MDGA1: variants seen among roughly 807,000 people sequenced by gnomAD.
The protein encoded by MDGA1 is MAM domain containing glycosylphosphatidylinositol anchor 1, also known as MAM domain-containing glycosylphosphatidylinositol anchor protein 1.
MDGA1 carries 54 observed loss-of-function variants against 101.5 expected under a neutral mutation model. That is an observed-to-expected ratio of 0.53 (90% CI 0.43 to 0.67). The LOEUF (loss-of-function observed/expected upper bound fraction) is 0.67, where lower values mean the gene tolerates loss of function less well. Among genes scored for constraint, MDGA1 ranks in the 30% least tolerant of loss-of-function variants. The pLI, the probability that MDGA1 is intolerant of heterozygous loss-of-function variation, is 0.00. For missense variants in MDGA1, 1,083 were observed against 1,323.8 expected (o/e 0.82, Z 2.82); for synonymous variants, 533 against 558.3 (o/e 0.95, Z 0.64).
chr6:37,638,951 C>T lies in MDGA1; in HGVS notation c.2537-284G>A. On this transcript the variant is annotated intron_variant, in intron 14 of 16. Transcript: ENST00000434837. This position sits in a 1 kb window ranked among gnomAD's most constrained non-coding sequence, Gnocchi z 4.8. ...CAGCTAATCTCCCCAACCCCAAACA[C>T]ACACATGCACACACACCCTACCCTT... The T allele has an allele frequency of 2.7e-6, 1 of 365,522 alleles. No homozygotes were observed. Among genetic ancestry groups the T allele is most frequent in the Non-Finnish European group, 5.3e-6 (1 of 190,250 alleles). 22.6% of individuals were successfully genotyped at this position (365,522 alleles called of 1,614,324 possible). A position where few individuals can be genotyped will look rare whatever the true frequency, so the allele number is the denominator to read the frequency against.
At chr6:37,671,537 G>C (rs921308902) in intron 1 of MDGA1, among the ~76,000 whole-genome samples, 1 of 152,180 alleles carries the variant, frequency 6.6e-6, no homozygotes, top group African/African-American at 2.4e-5. Context: ...AATGCTGCTG[G>C]CCTATCAGCT....
chr6:37,690,743 C>T (rs1173355964), intron 1 of MDGA1, among the ~76,000 whole-genome samples: 2 of 150,012 alleles, frequency 1.3e-5, no homozygotes, highest in Non-Finnish European at 3.0e-5. Context: ...TGCCACTGCA[C>T]TCCAGCCTGG....
chr6:37,657,300 C>A (rs1761512799), intron 3 of MDGA1, among the ~76,000 whole-genome samples: 1 of 152,192 alleles, frequency 6.6e-6, no homozygotes, highest in Non-Finnish European at 1.5e-5. Flanking sequence ...GGCTGTGAGT[C>A]ACAGGCATTG....
At chr6:37,639,624 G>A (rs550665702) in intron 14 of MDGA1, 2 of 152,176 alleles carry the variant, frequency 1.3e-5, no homozygotes, top group Non-Finnish European at 2.9e-5. Context: ...CTTTGCTTGT[G>A]ATGTTGCCCC....
At position 37,631,774 on chromosome 6, in the gene MDGA1, G is replaced by A. The variant is rs1763827543; in HGVS notation, c.*5594C>T. The A allele has an allele frequency of 6.6e-6, 1 of 152,130 alleles. No homozygotes were observed. The highest frequency in any genetic ancestry group is 6.5e-5 in the Admixed American group (1 of 15,270). The allele number at this position is 152,130 out of a possible 1,614,324, so 9.4% of individuals were successfully genotyped here. A position where few individuals can be genotyped will look rare whatever the true frequency, so the allele number is the denominator to read the frequency against. Reference sequence around the variant, plus strand: ...GAATTCTGAGAGGTCTGGGGTAAAGGGAAAGGTTGGCATAACTTGATCTTA... The same window carrying A: ...GAATTCTGAGAGGTCTGGGGTAAAGAGAAAGGTTGGCATAACTTGATCTTA... On this transcript the variant is annotated 3_prime_UTR_variant, in exon 17 of 17. Coordinates refer to ENST00000434837, the MANE Select transcript of MDGA1 (RefSeq NM_153487.4).
At chr6:37,649,410 A>G (rs1004692475) in intron 8 of MDGA1, 144 bp from the exon 9 acceptor site, 18 of 1,346,670 alleles carry the variant, frequency 1.3e-5, no homozygotes, top group African/African-American at 1.1e-4. Context: ...CTCGCAACAC[A>G]TCCCTCCAAT....
chr6:37,641,884 G>A (rs1232694497), intron 14 of MDGA1: 1 of 152,122 alleles, frequency 6.6e-6, no homozygotes, highest in East Asian at 1.9e-4. Context: ...GAGCCCCAGT[G>A]GATGCAGAAT....
chr6:37,660,005 A>T (rs560251726), intron 2 of MDGA1, among the ~76,000 whole-genome samples: 2 of 149,334 alleles, frequency 1.3e-5, no homozygotes, highest in Non-Finnish European at 3.0e-5. Context: ...CCTTTTTTCA[A>T]TTCTACAAAA....
In MDGA1 at chr6:37,644,666, G is replaced by C. The variant is rs371209948; in HGVS notation, c.2249-17C>G. The C allele has an allele frequency of 1.3e-6, 2 of 1,547,704 alleles. No individual in the cohort carries two copies. Among genetic ancestry groups the C allele is most frequent in the Admixed American group, 1.9e-5 (1 of 53,216 alleles). On this transcript the variant is annotated splice_polypyrimidine_tract_variant and intron_variant, in intron 12 of 16. Coordinates refer to ENST00000434837, the MANE Select transcript of MDGA1 (RefSeq NM_153487.4). ...AGGTGTTGTCTGCATTTTATGGGGC[G>C]AATGAGACAAAGAGTCAGCCTCTTC...
chr6:37,672,988 C>A (rs1761902617), intron 1 of MDGA1, among the ~76,000 whole-genome samples: 1 of 150,958 alleles, frequency 6.6e-6, no homozygotes, highest in Non-Finnish European at 1.5e-5. Context: ...AATAGCTACC[C>A]TTTATTGACA....
At chr6:37,688,850 G>A (rs946572447) in intron 1 of MDGA1, among the ~76,000 whole-genome samples, 3 of 152,328 alleles carry the variant, frequency 2.0e-5, no homozygotes, top group Middle Eastern at 3.4e-3. Flanking sequence ...GACCCTCAGA[G>A]GCAACAGGCT....
rs763798669 is a variant in MDGA1, at chr6:37,643,905, G to T, written c.2440C>A (p.Leu814Met). Residue 814 changes from leucine (L) to methionine (M), a missense_variant, in exon 14 of 17, where the codon CTG (leucine) becomes ATG (methionine). By Grantham distance (15) the Leu-to-Met change is conservative. Transcript: ENST00000434837. ...CTCACTAACCTTGCACGGTCCCCCA[G>T]CTCCCGAGGCCTCGATGTCTCGATG... ...MFIETSRPRE[L>M]GDRARLVSPL... 31 of 1,613,814 alleles carry T rather than the reference G, an allele frequency of 1.9e-5. No homozygotes were observed. The Admixed American group carries it at 5.2e-4, about 27-fold the overall frequency.
At chr6:37,692,887 C>T (rs538300649) in intron 1 of MDGA1, among the ~76,000 whole-genome samples, 2 of 152,264 alleles carry the variant, frequency 1.3e-5, no homozygotes, top group African/African-American at 2.4e-5. Flanking sequence ...CTAGAGCCCC[C>T]GCCCACCCAT....
rs539729413 is a variant in MDGA1 at position 37,650,341 on chromosome 6, G to A, written c.1377C>T (p.Ala459=). ...TGCCCCGCACCTCGCATTGCAGCTCGGCAGGCGATCCCTCGCGCACGGTCA... is the reference window on the plus strand; with the variant it reads ...TGCCCCGCACCTCGCATTGCAGCTCAGCAGGCGATCCCTCGCGCACGGTCA... ...AVVTVREGSP[A]ELQCEVRGKP... Residue 459 remains alanine, a synonymous_variant, in exon 8 of 17, where the codon GCC becomes GCT. Transcript: ENST00000434837. The A allele has an allele frequency of 3.8e-6, 6 of 1,581,564 alleles. No homozygotes were observed. The African/African-American group carries it at 5.4e-5, about 14-fold the overall frequency.
At chr6:37,642,410 GT>G (rs1252832213) in intron 14 of MDGA1, among the ~76,000 whole-genome samples, 5 of 151,934 alleles carry the variant, frequency 3.3e-5, no homozygotes, top group Admixed American at 6.6e-5. Context: ...GATCTCAGGT[GT>G]CCCGCCCGCC....
chr6:37,637,610 C>T lies in MDGA1; in HGVS notation c.2777-151G>A, dbSNP rs62398388. ...GCCTCAGTGCACACAGACAAACTCA[C>T]CGCACAGACATGAGGTGGCGTGGGG... is the stretch of plus-strand genomic sequence containing the variant. On this transcript the variant is annotated intron_variant, in intron 16 of 16. Transcript: ENST00000434837. 5.1e-3 allele frequency among the ~76,000 whole-genome samples: 776 copies of T among 152,296 alleles called. 7 individuals are homozygous for T. The highest frequency in any genetic ancestry group is 0.015 in the South Asian group (72 of 4,826).
Position 37,638,693 on chromosome 6 carries a change from C to A in MDGA1, c.2537-26G>T, listed in dbSNP as rs116215578. On this transcript the variant is annotated intron_variant, in intron 14 of 16. Transcript: ENST00000434837. This position sits in a 1 kb window ranked among gnomAD's most constrained non-coding sequence, Gnocchi z 4.8. ...CTGCGGTGGGTGTGAAGACAGTGGGCAGTGAGATCTGGCCAGGGCACCCTC... is the reference window on the plus strand; with the variant it reads ...CTGCGGTGGGTGTGAAGACAGTGGGAAGTGAGATCTGGCCAGGGCACCCTC... 98 of 1,601,922 alleles carry A rather than the reference C, an allele frequency of 6.1e-5. No individual in the cohort carries two copies. The African/African-American group carries it at 1.2e-3, about 19-fold the overall frequency.
rs781219571 is a variant in MDGA1, at chr6:37,696,153, G to A, written c.67+592C>T. Among the ~76,000 whole-genome samples the A allele has an allele frequency of 6.6e-6, 1 of 152,212 alleles. No individual in the cohort carries two copies. Among genetic ancestry groups the A allele is most frequent in the Non-Finnish European group, 1.5e-5 (1 of 68,022 alleles). On this transcript the variant is annotated intron_variant, in intron 1 of 16. Transcript: ENST00000434837. This position sits in a 1 kb window ranked among gnomAD's most constrained non-coding sequence, Gnocchi z 5.6. Reference sequence around the variant, plus strand: ...TTGGGGTTTGTAGCCAAGAACCGGGGACAGGAAGAACTGGTTCAGGGAAGG... The same window carrying A: ...TTGGGGTTTGTAGCCAAGAACCGGGAACAGGAAGAACTGGTTCAGGGAAGG...
Position 37,647,215 on chromosome 6 carries a change from G to T in MDGA1, c.2004C>A (p.Asp668Glu), listed in dbSNP as rs748350845. 1.3e-6 allele frequency: 2 copies of T among 1,595,796 alleles called. No individual in the cohort carries two copies. Among genetic ancestry groups the T allele is most frequent in the East Asian group, 4.5e-5 (2 of 44,138 alleles). Residue 668 changes from aspartate (D) to glutamate (E), a missense_variant, in exon 10 of 17, where the codon GAC (aspartate) becomes GAA (glutamate). Physicochemically the swap from Asp to Glu is conservative, Grantham distance 45. Coordinates refer to ENST00000434837, the MANE Select transcript of MDGA1 (RefSeq NM_153487.4). ...YVLQWTQREP[D>E]AVDPVLNYRL... ...TGTAGTTGAGCACAGGGTCGACAGC[G>T]TCGGGCTCCCTCTGAGTCCACTGCA...
Sources: gnomAD v4.1 joint callset for allele counts (sites outside exome capture counted in the v4.1 genomes callset) on GRCh38, gnomAD v4.1.1 for gene constraint, Gnocchi (gnomAD v3.1) non-coding constraint, MANE v1.5 for transcripts, NCBI Gene and HGNC (gene_info 2026-07-23, HGNC 2026-07-21) for gene names.